Variants in BOD1 observed in about 807,000 individuals in gnomAD.
BOD1 encodes biorientation of chromosomes in cell division protein 1.
In BOD1, 11 loss-of-function variants were observed where a neutral mutation model predicts 15.7. That is an observed-to-expected ratio of 0.70 (90% confidence interval 0.44 to 1.16). The LOEUF is 1.16. Ranked by LOEUF, BOD1 falls within the 50% of genes most tolerant of loss-of-function variation. The pLI is 0.00. For missense variants in BOD1, 182 were observed against 244.5 expected (o/e 0.74, Z 1.70); for synonymous variants, 105 against 103.5 (o/e 1.01, Z -0.09).
Position 173,616,278 on chromosome 5 carries a change from A to G in BOD1, c.159T>C (p.Ala53=). The stretch of plus-strand genomic sequence containing the variant: ...GGCTCTTGAGCTGCTCCACGATGAG[A>G]GCGATGAGCTGCGGGTCGCCGGGAG... ...SLPPGDPQLI[A]LIVEQLKSRG... The change falls in exon 1 of 4, where the codon GCT becomes GCC. Residue 53 remains alanine, a synonymous_variant. Transcript: ENST00000311086. 1 of 1,556,044 alleles carries G rather than the reference A, an allele frequency of 6.4e-7. No individual in the cohort carries two copies. Among genetic ancestry groups the G allele is most frequent in the South Asian group, 1.2e-5 (1 of 84,692 alleles).
chr5:173,610,519 A>T (rs1211422025), intron 2 of BOD1, among the ~76,000 whole-genome samples: 2 of 152,228 alleles, frequency 1.3e-5, no homozygotes, highest in East Asian at 3.8e-4. Context: ...CCACTAGAGC[A>T]CTGAAGGGCA....
chr5:173,614,333 G>A (rs764075443), intron 1 of BOD1, among the ~76,000 whole-genome samples: 2 of 152,150 alleles, frequency 1.3e-5, no homozygotes, highest in Non-Finnish European at 2.9e-5. Context: ...TACCGAAAAA[G>A]GACAAAGGAC....
In BOD1 at chr5:173,613,293, T is replaced by C. The variant is rs769605460; in HGVS notation, c.238-38A>G. On this transcript the variant is annotated intron_variant, in intron 1 of 3. Transcript: ENST00000311086. ...AAAGAGGAGGCAAGGTCAGAAGTTA[T>C]ATGCACCAAAGTTTTGAACTTAGTC... 5.0e-6 allele frequency: 8 copies of C among 1,611,072 alleles called. No homozygotes were observed. In the East Asian group the frequency reaches 1.3e-4, roughly 27 times the overall value.
At chr5:173,614,620 C>T (rs2113341284) in intron 1 of BOD1, 1 of 152,342 alleles carries the variant, frequency 6.6e-6, no homozygotes, top group South Asian at 2.1e-4. Context: ...AAGCACCACG[C>T]TTTGAGAACC....
chr5:173,616,641 C>A lies in BOD1; in HGVS notation c.-205G>T. On this transcript the variant is annotated 5_prime_UTR_variant, in exon 1 of 4. Coordinates refer to ENST00000311086, the MANE Select transcript of BOD1 (RefSeq NM_138369.3). ...GATACAGCAGAGGTTGTGGTGGACG[C>A]GGCAGAAACGGCCTGCTCGATTCCA... is the stretch of plus-strand genomic sequence containing the variant. 1 of 1,307,922 alleles carries A rather than the reference C, an allele frequency of 7.6e-7. No homozygotes were observed. Among genetic ancestry groups the A allele is most frequent in the South Asian group, 2.2e-5 (1 of 46,380 alleles). The allele number at this position is 1,307,922 out of a possible 1,614,324, so 81.0% of individuals were successfully genotyped here.
At position 173,616,374 on chromosome 5, in the gene BOD1, G is replaced by T; in HGVS notation, c.63C>A (p.Ala21=). Residue 21 remains alanine (A), a synonymous_variant, in exon 1 of 4, where the codon GCC becomes GCA. Coordinates refer to ENST00000311086, the MANE Select transcript of BOD1 (RefSeq NM_138369.3). ...TAGCGCCAGTCGCTGCCCCGGCAGA[G>T]GCCTGGCTAGTTCCGCCGCCGCCCA... ...GAVGGGGTSQ[A]SAGAATGATG... 1 of 1,526,164 alleles carries T rather than the reference G, an allele frequency of 6.6e-7. No homozygotes were observed. Among genetic ancestry groups the T allele is most frequent in the Non-Finnish European group, 8.7e-7 (1 of 1,144,178 alleles). 94.5% of individuals were successfully genotyped at this position (1,526,164 alleles called of 1,614,324 possible).
Position 173,616,086 on chromosome 5 carries a change from C to T in BOD1, c.237+114G>A, listed in dbSNP as rs79140106. 2.9e-3 allele frequency: 3,994 copies of T among 1,381,852 alleles called. 107 individuals are homozygous for T. In the African/African-American group the frequency reaches 0.052, roughly 18 times the overall value. The allele number at this position is 1,381,852 out of a possible 1,614,324, so 85.6% of individuals were successfully genotyped here. ...TGCCCCAAGCGGTGTAAGACCTCACCGCTGAGATTTCTAAGCTATCTTTTG... is the reference window on the plus strand; with the variant it reads ...TGCCCCAAGCGGTGTAAGACCTCACTGCTGAGATTTCTAAGCTATCTTTTG... On this transcript the variant is annotated intron_variant, in intron 1 of 3. Coordinates refer to ENST00000311086, the MANE Select transcript of BOD1 (RefSeq NM_138369.3).
chr5:173,616,092 G>A (rs1489903283), intron 1 of BOD1, 108 bp downstream of exon 1: 1 of 1,417,756 alleles, frequency 7.1e-7, no homozygotes, highest in Non-Finnish European at 9.6e-7. Flanking sequence ...TCACCGCTGA[G>A]ATTTCTAAGC....
At chr5:173,614,367 G>A (rs1006251246) in intron 1 of BOD1, among the ~76,000 whole-genome samples, 2 of 152,142 alleles carry the variant, frequency 1.3e-5, no homozygotes, top group Non-Finnish European at 2.9e-5. Context: ...ACCAAAACAC[G>A]TAACAAACCC....
Position 173,616,389 on chromosome 5 carries a change from GCCGCCGCCCACCGCGCCAGTTCCC to G in BOD1, c.24_47del (p.Gly11_Thr18del). The G allele has an allele frequency of 6.6e-7, 1 of 1,519,758 alleles. No individual in the cohort carries two copies. The highest frequency in any genetic ancestry group is 8.8e-7 in the Non-Finnish European group (1 of 1,142,572). The allele number at this position is 1,519,758 out of a possible 1,614,324, so 94.1% of individuals were successfully genotyped here. A position where few individuals can be genotyped will look rare whatever the true frequency, so the allele number is the denominator to read the frequency against. Reference sequence around the variant, plus strand: ...CCCCGGCAGAGGCCTGGCTAGTTCCGCCGCCGCCCACCGCGCCAGTTCCCCCGCCGCCGCCGCCGTCCGCCATGG... The same window carrying G: ...CCCCGGCAGAGGCCTGGCTAGTTCCGCCGCCGCCGCCGCCGTCCGCCATGG... On this transcript the variant is annotated inframe_deletion, in exon 1 of 4. Transcript: ENST00000311086.
At chr5:173,613,088 G>A (rs971682169) in intron 2 of BOD1, 43 bp downstream of exon 2, 1 of 1,503,818 alleles carries the variant, frequency 6.6e-7, no homozygotes, top group Admixed American at 1.9e-5. Flanking sequence ...CATCACACTT[G>A]TGATGACTGC....
intron 1 of BOD1, among the ~76,000 whole-genome samples, chr5:173,614,344 A>AG (rs2113340593): frequency 6.6e-6 from 1 of 152,376 alleles, no homozygotes; most frequent in African/African-American, 2.4e-5. Flanking sequence ...GACAAAGGAC[A>AG]GTGAACATCA....
chr5:173,609,783 C>T (rs10866666), intron 2 of BOD1: 35,087 of 220,066 alleles, frequency 0.16, 3,447 homozygotes, highest in Non-Finnish European at 0.23. Context: ...CTTCCTCGTA[C>T]TGTCAAAGCC....
chr5:173,611,191 T>C (rs1216260620), intron 2 of BOD1, among the ~76,000 whole-genome samples: 5 of 152,240 alleles, frequency 3.3e-5, no homozygotes, highest in Non-Finnish European at 7.3e-5. Context: ...AGGAGCCCAA[T>C]GTACAAGATG....
chr5:173,613,774 G>A (rs62377212), intron 1 of BOD1, among the ~76,000 whole-genome samples: 10,569 of 152,314 alleles, frequency 0.069, 490 homozygotes, highest in African/African-American at 0.12. Flanking sequence ...GGTTGAGAGA[G>A]CAAACTCAAA....
At position 173,616,264 on chromosome 5, in the gene BOD1, T is replaced by A. The variant is rs2113345733; in HGVS notation, c.173A>T (p.Gln58Leu). Residue 58 changes from glutamine (Q) to leucine (L), a missense_variant, in exon 1 of 4, where the codon CAG becomes CTG. Physicochemically the swap from Gln to Leu is moderately radical, Grantham distance 113 (BLOSUM62 -2). Transcript: ENST00000311086. Reference sequence around the variant, plus strand: ...GTCAAAAAGGCCCCGGCTCTTGAGCTGCTCCACGATGAGAGCGATGAGCTG... The same window carrying A: ...GTCAAAAAGGCCCCGGCTCTTGAGCAGCTCCACGATGAGAGCGATGAGCTG... ...DPQLIALIVEQLKSRGLFDSF... is the reference protein window; with the variant it reads ...DPQLIALIVELLKSRGLFDSF... The A allele has an allele frequency of 1.3e-6, 2 of 1,562,480 alleles. No homozygotes were observed. The highest frequency in any genetic ancestry group is 3.7e-5 in the Admixed American group (2 of 53,672).
chr5:173,616,389 G>GCCGCCGCCCACCGCGCCAGTTCCC lies in BOD1; in HGVS notation c.24_47dup (p.Gly11_Thr18dup). On this transcript the variant is annotated inframe_insertion, in exon 1 of 4. Coordinates refer to ENST00000311086, the MANE Select transcript of BOD1 (RefSeq NM_138369.3). ...CCCCGGCAGAGGCCTGGCTAGTTCC[G>GCCGCCGCCCACCGCGCCAGTTCCC]CCGCCGCCCACCGCGCCAGTTCCCC... 2 of 1,519,758 alleles carry GCCGCCGCCCACCGCGCCAGTTCCC rather than the reference G, an allele frequency of 1.3e-6. No homozygotes were observed. The highest frequency in any genetic ancestry group is 2.6e-5 in the East Asian group (1 of 38,378). The allele number at this position is 1,519,758 out of a possible 1,614,324, so 94.1% of individuals were successfully genotyped here. A position where few individuals can be genotyped will look rare whatever the true frequency, so the allele number is the denominator to read the frequency against.
chr5:173,613,138 C>T lies in BOD1; in HGVS notation c.355G>A (p.Val119Met), dbSNP rs111744586. The T allele has an allele frequency of 1.5e-5, 24 of 1,613,954 alleles. No individual in the cohort carries two copies. The highest frequency in any genetic ancestry group is 1.7e-5 in the Non-Finnish European group (20 of 1,179,948). Residue 119 changes from valine to methionine, a missense_variant, in exon 2 of 4, where the codon GTG (valine) becomes ATG (methionine). This residue lies in a region of BOD1 where 70 missense variants were observed against 130.3 expected (regional missense o/e 0.54). Coordinates refer to ENST00000311086, the MANE Select transcript of BOD1 (RefSeq NM_138369.3). ...TAAATTCTGCTTACTTACTGAACCA[C>T]ACTCTGCCTCAGACCATTTCGCAAC... The part of the protein sequence containing the change: ...NQLRNGLRQS[V>M]VQSGMLEAGV...
At chr5:173,610,372 A>G (rs1410875404) in intron 2 of BOD1, among the ~76,000 whole-genome samples, 1 of 152,242 alleles carries the variant, frequency 6.6e-6, no homozygotes, top group African/African-American at 2.4e-5. Flanking sequence ...AAGGAAAGAC[A>G]TGAGTAAATG....
Sources: allele counts gnomAD v4.1 joint callset (sites outside exome capture counted in the v4.1 genomes callset), GRCh38; gene constraint gnomAD v4.1.1; regional missense constraint gnomAD v4.1.1; transcripts MANE v1.5; gene names NCBI Gene and HGNC (gene_info 2026-07-23, HGNC 2026-07-21).